The following CTNND2 variants were observed in gnomAD, a reference collection of about 807,000 sequenced individuals.
CTNND2 encodes the protein catenin delta-2.
A neutral mutation model predicts 144.4 loss-of-function variants in CTNND2; 22 were observed. The observed-to-expected ratio is 0.15, with a 90% CI of 0.11 to 0.22. The LOEUF (loss-of-function observed/expected upper bound fraction) is 0.22, where lower values mean the gene tolerates loss of function less well. Among genes scored for constraint, CTNND2 ranks in the 10% least tolerant of loss-of-function variants. The pLI is 1.00. For missense variants in CTNND2, 1,353 were observed against 1,618.8 expected, an observed-to-expected ratio of 0.84 and a Z score of 2.82; for synonymous variants, 751 against 695.6, an observed-to-expected ratio of 1.08 and a Z score of -1.25.
At chr5:11,136,684 G>C (rs116564135) in intron 12 of CTNND2, among the ~76,000 whole-genome samples, 1,649 of 152,298 alleles carry the variant, frequency 0.011, 24 homozygotes, top group Non-Finnish European at 0.013. Flanking sequence ...AGGCCACCAT[G>C]TATCTCTTAT....
At chr5:11,521,282 C>A (rs777554023) in intron 3 of CTNND2, among the ~76,000 whole-genome samples, 3 of 152,200 alleles carry the variant, frequency 2.0e-5, no homozygotes, top group Non-Finnish European at 4.4e-5. Context: ...ATTGTAACAT[C>A]AAGGCACATA....
chr5:11,479,004 A>T (rs1768000305), intron 3 of CTNND2, among the ~76,000 whole-genome samples: 1 of 152,040 alleles, frequency 6.6e-6, no homozygotes, highest in Non-Finnish European at 1.5e-5. Flanking sequence ...AATTTAACTT[A>T]AAAAAAATTA....
At chr5:11,129,240 T>TTATATAA (rs1554050114) in intron 12 of CTNND2, among the ~76,000 whole-genome samples, 2 of 43,890 alleles carry the variant, frequency 4.6e-5, no homozygotes, top group East Asian at 8.4e-4. Flanking sequence ...ATATTATATA[T>TTATATAA]TATATATTAT....
intron 1 of CTNND2, among the ~76,000 whole-genome samples, chr5:11,861,106 A>G (rs1048144271): frequency 3.9e-5 from 6 of 152,174 alleles, no homozygotes; most frequent in Admixed American, 6.5e-5. Context: ...TCTGACATAC[A>G]TAAGTCCATT....
chr5:11,808,915 A>T (rs1350335765), intron 1 of CTNND2, among the ~76,000 whole-genome samples: 1 of 152,242 alleles, frequency 6.6e-6, no homozygotes, highest in Non-Finnish European at 1.5e-5. Flanking sequence ...GATACTAAGA[A>T]AATTAACCTG....
At chr5:11,490,300 T>C (rs1197610859) in intron 3 of CTNND2, among the ~76,000 whole-genome samples, 1 of 152,214 alleles carries the variant, frequency 6.6e-6, no homozygotes, top group Non-Finnish European at 1.5e-5. Context: ...AAACGTAATA[T>C]ATTTTGAGAT....
chr5:11,407,590 G>A (rs1039629300), intron 5 of CTNND2, among the ~76,000 whole-genome samples: 2 of 152,172 alleles, frequency 1.3e-5, no homozygotes, highest in Non-Finnish European at 2.9e-5. Flanking sequence ...TGCGATCATG[G>A]GGTGAGACTG....
intron 3 of CTNND2, among the ~76,000 whole-genome samples, chr5:11,485,368 TGTGTGTGC>T (rs1176690531): frequency 2.4e-5 from 3 of 126,374 alleles, no homozygotes; most frequent in African/African-American, 5.3e-5. Flanking sequence ...TGTGTGTGTG[TGTGTGTGC>T]GCGCGCGCGC....
Position 11,297,894 on chromosome 5 carries a change from A to T in CTNND2, c.1628+48478T>A, listed in dbSNP as rs899077009. Among the ~76,000 whole-genome samples, 3 of 152,206 alleles carry T rather than the reference A, an allele frequency of 2.0e-5. No individual in the cohort carries two copies. The East Asian group carries it at 5.8e-4, about 29-fold the overall frequency. Reference sequence around the variant, plus strand: ...TTATTTTCACCTCAAAAAAGTGACAAGACAAAATGAAAATACCATCATCCT... The same window carrying T: ...TTATTTTCACCTCAAAAAAGTGACATGACAAAATGAAAATACCATCATCCT... On this transcript the variant is annotated intron_variant, in intron 9 of 21. Transcript: ENST00000304623.
intron 16 of CTNND2, among the ~76,000 whole-genome samples, chr5:11,062,470 CA>C (rs1747104009): frequency 6.6e-6 from 1 of 152,270 alleles, no homozygotes; most frequent in South Asian, 2.1e-4. Context: ...TTTCATACCA[CA>C]CAGTTGGCTG....
chr5:11,221,482 G>A (rs765051883), intron 10 of CTNND2, among the ~76,000 whole-genome samples: 1 of 152,192 alleles, frequency 6.6e-6, no homozygotes, highest in Non-Finnish European at 1.5e-5. Context: ...AGTGATCAGA[G>A]GCTCAAAAGC....
chr5:11,374,772 C>A (rs1030287034), intron 7 of CTNND2, among the ~76,000 whole-genome samples: 8 of 126,920 alleles, frequency 6.3e-5, no homozygotes, highest in Non-Finnish European at 1.1e-4. Context: ...TGCTCCCAAT[C>A]TACTTTTTTT....
intron 12 of CTNND2, among the ~76,000 whole-genome samples, chr5:11,123,718 GT>G (rs1754371682): frequency 6.6e-6 from 1 of 152,240 alleles, no homozygotes; most frequent in Non-Finnish European, 1.5e-5. Context: ...CCCATTCTCA[GT>G]GTGTTTCACT....
chr5:11,637,361 C>A (rs1487029143), intron 2 of CTNND2, among the ~76,000 whole-genome samples: 1 of 152,124 alleles, frequency 6.6e-6, no homozygotes, highest in Non-Finnish European at 1.5e-5. Flanking sequence ...ACATATGCCA[C>A]AATGCCAGTT....
At chr5:11,722,975 C>A (rs1030866923) in intron 2 of CTNND2, among the ~76,000 whole-genome samples, 1 of 152,018 alleles carries the variant, frequency 6.6e-6, no homozygotes, top group African/African-American at 2.4e-5. Context: ...TCATCAAGCA[C>A]AAATATGTGA....
At chr5:11,519,984 G>T (rs376185749) in intron 3 of CTNND2, among the ~76,000 whole-genome samples, 19 of 139,422 alleles carry the variant, frequency 1.4e-4, no homozygotes, top group African/African-American at 5.5e-4. Context: ...ACTAAAAATA[G>T]AATAAAAAAA....
intron 2 of CTNND2, among the ~76,000 whole-genome samples, chr5:11,570,541 T>C (rs1166341846): frequency 6.6e-6 from 1 of 152,200 alleles, no homozygotes; most frequent in Non-Finnish European, 1.5e-5. Flanking sequence ...GAAATCATTT[T>C]CCTTCAGGGT....
intron 9 of CTNND2, among the ~76,000 whole-genome samples, chr5:11,292,216 C>T (rs181596424): frequency 1.4e-4 from 21 of 152,262 alleles, no homozygotes; most frequent in African/African-American, 4.6e-4. Context: ...CTTTGCCCAA[C>T]TAAAATTCAT....
intron 3 of CTNND2, among the ~76,000 whole-genome samples, chr5:11,494,008 T>A (rs568930810): frequency 6.6e-6 from 1 of 152,310 alleles, no homozygotes; most frequent in East Asian, 1.9e-4. Flanking sequence ...AATATTACAG[T>A]GATTAAAAAA....
Sources: allele counts gnomAD v4.1 joint callset (sites outside exome capture counted in the v4.1 genomes callset), GRCh38; gene constraint gnomAD v4.1.1; transcripts MANE v1.5; gene names NCBI Gene and HGNC (gene_info 2026-07-23, HGNC 2026-07-21).